Variants in RIMS2 observed in about 807,000 individuals in gnomAD.
RIMS2 encodes regulating synaptic membrane exocytosis protein 2.
Under a neutral mutation model 174.4 loss-of-function variants are expected in RIMS2, and 59 were observed. The ratio of observed to expected loss-of-function variants is 0.34; its 90% CI spans 0.27 to 0.42. The LOEUF (loss-of-function observed/expected upper bound fraction) is 0.42. Ranked by LOEUF, RIMS2 falls within the 10% of genes least tolerant of loss-of-function variation. The pLI, the probability that RIMS2 is intolerant of heterozygous loss-of-function variation, is 1.00. For missense variants in RIMS2, 1,620 were observed against 1,666.3 expected, an observed-to-expected ratio of 0.97 and a Z score of 0.48; for synonymous variants, 606 against 572.5, an observed-to-expected ratio of 1.06 and a Z score of -0.84.
chr8:103,715,599 T>TA (rs1408814663), intron 2 of RIMS2, among the ~76,000 whole-genome samples: 7 of 152,216 alleles, frequency 4.6e-5, no homozygotes, highest in Admixed American at 2.6e-4. Context: ...TACTTTATGT[T>TA]AAAGAAAAGA....
chr8:104,231,510 C>T (rs1021663088), intron 19 of RIMS2, among the ~76,000 whole-genome samples: 2 of 152,172 alleles, frequency 1.3e-5, no homozygotes, highest in African/African-American at 2.4e-5. Context: ...TCCTTCAAAG[C>T]TGGGCTCATA....
chr8:103,713,218 C>A (rs1455475329), intron 2 of RIMS2, among the ~76,000 whole-genome samples: 3 of 152,178 alleles, frequency 2.0e-5, no homozygotes, highest in Admixed American at 2.0e-4. Flanking sequence ...AAGGTTTTGC[C>A]ACTTTGGCCA....
At chr8:103,727,437 C>T (rs2097539270) in intron 2 of RIMS2, among the ~76,000 whole-genome samples, 1 of 151,928 alleles carries the variant, frequency 6.6e-6, no homozygotes, top group Non-Finnish European at 1.5e-5. Context: ...TTTGTTTATT[C>T]TTTCCTTTGA....
chr8:103,910,623 G>A (rs2075484840), intron 5 of RIMS2, 94 bp downstream of exon 8: 1 of 692,352 alleles, frequency 1.4e-6, no homozygotes, highest in Non-Finnish European at 2.4e-6. Context: ...AAAAGGACAG[G>A]GCATCTCAAG....
intron 19 of RIMS2, among the ~76,000 whole-genome samples, chr8:104,201,375 T>TC (rs2099053840): frequency 6.6e-6 from 1 of 152,188 alleles, no homozygotes; most frequent in African/African-American, 2.4e-5. Flanking sequence ...ATCAAAAAAT[T>TC]CTAAAAAGAT....
chr8:104,062,611 C>T (rs1017028031), intron 19 of RIMS2, among the ~76,000 whole-genome samples: 4 of 152,034 alleles, frequency 2.6e-5, no homozygotes, highest in African/African-American at 7.2e-5. Flanking sequence ...ATATATGTAG[C>T]CATGTTTTCT....
At chr8:103,514,040 T>TA (rs1827831686) in intron 1 of RIMS2, among the ~76,000 whole-genome samples, 1 of 61,000 alleles carries the variant, frequency 1.6e-5, no homozygotes, top group Non-Finnish European at 3.1e-5. Context: ...TTTAACTGGA[T>TA]TCCTTCTCTG....
chr8:103,712,167 CTTTTTTTT>C (rs760792486), intron 2 of RIMS2, among the ~76,000 whole-genome samples: 1 of 127,274 alleles, frequency 7.9e-6, no homozygotes, highest in Non-Finnish European at 1.7e-5. Flanking sequence ...AATTTTTAAA[CTTTTTTTT>C]TTTTTTTTTT....
At chr8:104,031,190 T>C (rs781300066) in intron 19 of RIMS2, among the ~76,000 whole-genome samples, 10 of 152,130 alleles carry the variant, frequency 6.6e-5, no homozygotes, top group Non-Finnish European at 1.2e-4. Flanking sequence ...ATACTAAATA[T>C]GGTAATAAAA....
At chr8:104,099,824 T>C (rs1238081460) in intron 19 of RIMS2, among the ~76,000 whole-genome samples, 1 of 87,036 alleles carries the variant, frequency 1.1e-5, no homozygotes, top group Non-Finnish European at 2.3e-5. Flanking sequence ...CTTTACTTTC[T>C]TTTTTTTTTT....
intron 1 of RIMS2, among the ~76,000 whole-genome samples, chr8:103,680,285 C>G (rs1428912565): frequency 6.6e-6 from 1 of 151,846 alleles, no homozygotes; most frequent in African/African-American, 2.4e-5. Flanking sequence ...GAAGAAAGGA[C>G]GAACTAGCTA....
At chr8:103,852,078 G>A (rs548400022) in intron 3 of RIMS2, among the ~76,000 whole-genome samples, 3 of 151,986 alleles carry the variant, frequency 2.0e-5, no homozygotes, top group South Asian at 2.1e-4. Flanking sequence ...ACTTTTCCCC[G>A]AAAACATTAC....
intron 4 of RIMS2, among the ~76,000 whole-genome samples, chr8:103,892,222 G>C (rs2099250495): frequency 6.8e-6 from 1 of 146,632 alleles, no homozygotes; most frequent in Non-Finnish European, 1.5e-5. Flanking sequence ...TTTTTAATTT[G>C]AGACAGGGTC....
chr8:104,232,968 T>A (rs1359581897), intron 19 of RIMS2, among the ~76,000 whole-genome samples: 3 of 133,004 alleles, frequency 2.3e-5, no homozygotes, highest in Non-Finnish European at 4.9e-5. Flanking sequence ...TAATTACCAG[T>A]GGTAAGAAAA....
intron 3 of RIMS2, among the ~76,000 whole-genome samples, chr8:103,876,053 AG>A (rs1363230068): frequency 1.3e-5 from 2 of 151,852 alleles, no homozygotes; most frequent in Non-Finnish European, 2.9e-5. Context: ...CCTGTTCTCT[AG>A]GTTGTCTATG....
intron 1 of RIMS2, among the ~76,000 whole-genome samples, chr8:103,576,220 T>C (rs1365375726): frequency 2.0e-5 from 3 of 152,192 alleles, no homozygotes; most frequent in Non-Finnish European, 4.4e-5. Flanking sequence ...GAATATTTAC[T>C]ACAACCAAGG....
rs893002529 is a variant in RIMS2 at position 103,500,781 on chromosome 8, A to T, written c.-106A>T. ...CTTGGATTGAAGGCCATTGATTTGTATGTATTTGTCCCAGCGCTGGAGGCT... is the reference window on the plus strand; with the variant it reads ...CTTGGATTGAAGGCCATTGATTTGTTTGTATTTGTCCCAGCGCTGGAGGCT... On this transcript the variant is annotated 5_prime_UTR_variant, in exon 1 of 24. The change abolishes an upstream ATG in the 5' untranslated region. Transcript: ENST00000504942. The T allele has an allele frequency of 6.5e-6, 4 of 614,994 alleles. No homozygotes were observed. The Admixed American group carries it at 9.9e-5, about 15-fold the overall frequency. The allele number at this position is 614,994 out of a possible 1,614,324, so 38.1% of individuals were successfully genotyped here. A position where few individuals can be genotyped will look rare whatever the true frequency, so the allele number is the denominator to read the frequency against.
chr8:103,607,728 C>T (rs1439065131), intron 1 of RIMS2, among the ~76,000 whole-genome samples: 2 of 136,098 alleles, frequency 1.5e-5, no homozygotes, highest in South Asian at 4.7e-4. Context: ...CTAAACTTCC[C>T]TTCTCACTTC....
At position 103,521,204 on chromosome 8, in the gene RIMS2, G is replaced by A. The variant is rs574543920; in HGVS notation, c.176+20142G>A. On this transcript the variant is annotated intron_variant, in intron 1 of 23. Coordinates refer to ENST00000504942, the Ensembl canonical transcript of RIMS2. ...AATGCTAAATGAGGAGTTAATGGGT[G>A]CAGCACACCAACATGGCACATGTAT... 5.3e-5 allele frequency among the ~76,000 whole-genome samples: 8 copies of A among 151,622 alleles called. No individual in the cohort carries two copies. In the South Asian group the frequency reaches 1.7e-3, roughly 32 times the overall value.
Sources: gnomAD v4.1 joint callset for allele counts (sites outside exome capture counted in the v4.1 genomes callset) on GRCh38, gnomAD v4.1.1 for gene constraint, MANE v1.5 for transcripts, NCBI Gene and HGNC (gene_info 2026-07-23, HGNC 2026-07-21) for gene names.